MAF: variants seen among roughly 807,000 people sequenced by gnomAD.
The protein encoded by MAF is MAF bZIP transcription factor.
Under a neutral mutation model 22.0 loss-of-function variants are expected in MAF, and 10 were observed. The ratio of observed to expected loss-of-function variants is 0.45; its 90% CI spans 0.28 to 0.77. The LOEUF (loss-of-function observed/expected upper bound fraction) is 0.77, where lower values mean the gene tolerates loss of function less well. Among genes scored for constraint, MAF ranks in the 30% least tolerant of loss-of-function variants. The pLI, the probability that MAF is intolerant of heterozygous loss-of-function variation, is 0.12. For missense variants in MAF, 544 were observed against 548.4 expected, an observed-to-expected ratio of 0.99 and a Z score of 0.08; for synonymous variants, 337 against 255.8, an observed-to-expected ratio of 1.32 and a Z score of -3.03.
chr16:79,205,207 T>G, the MAF span: 1 of 152,232 alleles, frequency 6.6e-6, no homozygotes, highest in Non-Finnish European at 1.5e-5. Context: ...AATTTGTGGT[T>G]GTGGTCTGTG....
At chr16:79,334,641 T>A in the MAF span, among the ~76,000 whole-genome samples, 2 of 152,138 alleles carry the variant, frequency 1.3e-5, no homozygotes, top group Admixed American at 6.5e-5. Context: ...AGCAGAGCAT[T>A]CAATGAAAAG....
the MAF span, among the ~76,000 whole-genome samples, chr16:79,489,567 T>A: frequency 2.0e-5 from 3 of 152,184 alleles, no homozygotes; most frequent in East Asian, 5.8e-4. Flanking sequence ...TAATTCAGTC[T>A]AAGTGATCAG....
chr16:79,401,338 C>G, the MAF span, among the ~76,000 whole-genome samples: 7 of 152,220 alleles, frequency 4.6e-5, no homozygotes, highest in Non-Finnish European at 8.8e-5. Context: ...TTGCCATTCT[C>G]TCATGGAACT....
chr16:79,333,176 C>G, the MAF span, among the ~76,000 whole-genome samples: 2 of 152,162 alleles, frequency 1.3e-5, no homozygotes, highest in Non-Finnish European at 2.9e-5. Context: ...TGGCTCTGGA[C>G]TGCGTTGTCT....
chr16:79,458,935 A>G, the MAF span, among the ~76,000 whole-genome samples: 23 of 152,288 alleles, frequency 1.5e-4, no homozygotes, highest in Admixed American at 1.0e-3. Flanking sequence ...GGAAAGATGT[A>G]CTTTTCATTT....
At chr16:79,580,434 C>T in the MAF span, among the ~76,000 whole-genome samples, 4 of 152,166 alleles carry the variant, frequency 2.6e-5, no homozygotes, top group African/African-American at 9.7e-5. Context: ...TTATCACTGA[C>T]AAATAAGATG....
chr16:79,250,771 A>G, the MAF span, among the ~76,000 whole-genome samples: 1 of 152,202 alleles, frequency 6.6e-6, no homozygotes, highest in Admixed American at 6.5e-5. Flanking sequence ...CATTGATTCC[A>G]TGAGCTTCGG....
chr16:79,222,906 A>G, the MAF span, among the ~76,000 whole-genome samples: 2 of 152,220 alleles, frequency 1.3e-5, no homozygotes, highest in Non-Finnish European at 2.9e-5. Context: ...TTAGACTACC[A>G]CACAGTAATA....
chr16:79,498,563 C>T, the MAF span, among the ~76,000 whole-genome samples: 5 of 152,150 alleles, frequency 3.3e-5, no homozygotes, highest in Non-Finnish European at 7.4e-5. Flanking sequence ...CACCACTGTG[C>T]CAAGTGTTTG....
At chr16:79,510,016 G>C in the MAF span, among the ~76,000 whole-genome samples, 2 of 152,192 alleles carry the variant, frequency 1.3e-5, no homozygotes, top group African/African-American at 4.8e-5. Context: ...AATCGCTTTG[G>C]ACATGGCAGA....
At chr16:79,460,874 T>A in the MAF span, among the ~76,000 whole-genome samples, 2 of 152,246 alleles carry the variant, frequency 1.3e-5, no homozygotes, top group Non-Finnish European at 2.9e-5. Flanking sequence ...TCCAACTTTT[T>A]GTTGATATGT....
chr16:79,595,546 G>A, intron 1 of MAF: 1 of 1,059,988 alleles, frequency 9.4e-7, no homozygotes, highest in Non-Finnish European at 1.1e-6. Flanking sequence ...CAAACTGCAT[G>A]AATTTGTAAC....
At chr16:79,569,875 T>C in the MAF span, among the ~76,000 whole-genome samples, 1 of 152,134 alleles carries the variant, frequency 6.6e-6, no homozygotes, top group African/African-American at 2.4e-5. Flanking sequence ...GTAAAACAAG[T>C]TAAATACAAA....
chr16:79,369,184 C>T, the MAF span, among the ~76,000 whole-genome samples: 9 of 152,188 alleles, frequency 5.9e-5, no homozygotes, highest in African/African-American at 2.2e-4. Flanking sequence ...GTTAGTTGCC[C>T]AGAGTTTTGT....
chr16:79,299,341 G>GAAAAAGAAAAAAAA, the MAF span, among the ~76,000 whole-genome samples: 1 of 68,944 alleles, frequency 1.5e-5, no homozygotes, highest in Non-Finnish European at 3.0e-5. Context: ...AACAAACAAA[G>GAAAAAGAAAAAAAA]AAAAAGAAAA....
chr16:79,493,293 G>T, the MAF span, among the ~76,000 whole-genome samples: 102,203 of 151,964 alleles, frequency 0.67, 34,359 homozygotes, highest in South Asian at 0.75. Flanking sequence ...AGCAATTCTG[G>T]GCCTCAGCCT....
chr16:79,303,444 C>T, the MAF span, among the ~76,000 whole-genome samples: 1 of 152,162 alleles, frequency 6.6e-6, no homozygotes, highest in Non-Finnish European at 1.5e-5. Flanking sequence ...GCTCTCAACA[C>T]TACCCAGGCA....
the MAF span, among the ~76,000 whole-genome samples, chr16:79,500,065 G>C: frequency 5.3e-5 from 8 of 152,198 alleles, no homozygotes; most frequent in African/African-American, 1.9e-4. Flanking sequence ...AGAGCTGGAA[G>C]AGGCAAGCAC....
chr16:79,316,290 C>T, the MAF span, among the ~76,000 whole-genome samples: 1 of 152,184 alleles, frequency 6.6e-6, no homozygotes. Flanking sequence ...CACTCCGTTT[C>T]CAGAGAACTT....
Sources: allele counts gnomAD v4.1 joint callset (sites outside exome capture counted in the v4.1 genomes callset), GRCh38; gene constraint gnomAD v4.1.1; transcripts MANE v1.5; gene names NCBI Gene and HGNC (gene_info 2026-07-23, HGNC 2026-07-21).